ME1: variants seen among roughly 807,000 people sequenced by gnomAD.
The protein encoded by ME1 is malic enzyme 1, also known as NADP-dependent malic enzyme.
In ME1, 74 loss-of-function variants were observed where a neutral mutation model predicts 66.4. That is an observed-to-expected ratio of 1.11 (90% CI 0.92 to 1.35). The LOEUF (loss-of-function observed/expected upper bound fraction) is 1.35. ME1 is among the 40% of genes most tolerant of loss of function. ME1 has a pLI of 0.00. For missense variants in ME1, 750 were observed against 694.1 expected (o/e 1.08, Z -0.90); for synonymous variants, 251 against 235.6 (o/e 1.07, Z -0.60).
intron 11 of ME1, among the ~76,000 whole-genome samples, chr6:83,225,293 GTGA>G (rs1283431828): frequency 4.0e-5 from 6 of 148,584 alleles, no homozygotes; most frequent in Non-Finnish European, 8.9e-5. Context: ...ACATTTGTCT[GTGA>G]TGGTGAGAGT....
At chr6:83,329,409 G>A (rs1344594924) in intron 5 of ME1, among the ~76,000 whole-genome samples, 2 of 152,118 alleles carry the variant, frequency 1.3e-5, no homozygotes, top group Non-Finnish European at 2.9e-5. Flanking sequence ...ACAAACATCT[G>A]TACTGGTACT....
intron 1 of ME1, 50 bp downstream of exon 1, chr6:83,430,827 A>G: frequency 6.8e-7 from 1 of 1,480,860 alleles, no homozygotes; most frequent in Middle Eastern, 1.7e-4. Context: ...GAGGGCCCTG[A>G]CCCTGATAGA....
At chr6:83,320,238 T>G (rs1285727014) in intron 5 of ME1, among the ~76,000 whole-genome samples, 1 of 152,168 alleles carries the variant, frequency 6.6e-6, no homozygotes, top group East Asian at 1.9e-4. Context: ...GAGAGGGTGA[T>G]GTTAAGAAGG....
intron 6 of ME1, among the ~76,000 whole-genome samples, chr6:83,293,361 C>A (rs1021601360): frequency 6.6e-6 from 1 of 152,104 alleles, no homozygotes; most frequent in Non-Finnish European, 1.5e-5. Context: ...ATCTCTAGAA[C>A]TTTTTCATCT....
chr6:83,328,155 C>A (rs997579177), intron 5 of ME1, among the ~76,000 whole-genome samples: 1 of 152,096 alleles, frequency 6.6e-6, no homozygotes, highest in Non-Finnish European at 1.5e-5. Context: ...AATGAGTTCA[C>A]GTCCTTTGCA....
chr6:83,292,927 C>T (rs71568871), intron 6 of ME1, among the ~76,000 whole-genome samples: 10,802 of 152,146 alleles, frequency 0.071, 474 homozygotes, highest in Admixed American at 0.098. Flanking sequence ...AGCAAGGCTC[C>T]GTGGGCATGG....
chr6:83,263,296 T>G (rs1376439230), intron 6 of ME1, among the ~76,000 whole-genome samples: 2 of 152,120 alleles, frequency 1.3e-5, no homozygotes, highest in East Asian at 1.9e-4. Context: ...TTAGGCCAAT[T>G]AACAACCCCA....
intron 6 of ME1, among the ~76,000 whole-genome samples, chr6:83,261,881 G>A (rs1766898311): frequency 6.6e-6 from 1 of 151,866 alleles, no homozygotes. Flanking sequence ...AGGCGTGGTG[G>A]CAGGCGCTTG....
intron 3 of ME1, among the ~76,000 whole-genome samples, chr6:83,396,189 C>T (rs1381335030): frequency 6.6e-6 from 1 of 151,958 alleles, no homozygotes; most frequent in East Asian, 1.9e-4. Context: ...TGTGGTGAAA[C>T]CCCATCTCTA....
Position 83,376,638 on chromosome 6 carries a change from CA to C in ME1, c.362+21728del, listed in dbSNP as rs1347994901. ...CAACGTGGCGAAACTCCATCTCTGT[CA>C]AAAAAAAAAAAAAATTAGCTGGGTG... On this transcript the variant is annotated intron_variant, in intron 3 of 13. Coordinates refer to ENST00000369705, the MANE Select transcript of ME1 (RefSeq NM_002395.6). Among the ~76,000 whole-genome samples the C allele has an allele frequency of 3.9e-3, 527 of 135,318 alleles. 1 individual carries two copies. The highest frequency in any genetic ancestry group is 0.011 in the Middle Eastern group (3 of 262). The allele number at this position is 135,318 out of a possible 152,430, so 88.8% of individuals were successfully genotyped here.
At chr6:83,422,890 ACATTTGTATC>A (rs749262519) in intron 1 of ME1, among the ~76,000 whole-genome samples, 2 of 152,084 alleles carry the variant, frequency 1.3e-5, no homozygotes, top group African/African-American at 2.4e-5. Context: ...AAAAGGCCTA[ACATTTGTATC>A]ATCAGAGTCC....
chr6:83,242,078 G>C (rs1324144003), intron 7 of ME1, among the ~76,000 whole-genome samples: 1 of 152,120 alleles, frequency 6.6e-6, no homozygotes, highest in Non-Finnish European at 1.5e-5. Flanking sequence ...GGCCAGACTG[G>C]TCTCACACCC....
intron 5 of ME1, among the ~76,000 whole-genome samples, chr6:83,333,045 T>C (rs945753741): frequency 2.6e-5 from 4 of 152,214 alleles, no homozygotes; most frequent in Admixed American, 6.5e-5. Context: ...TGTATCTTTA[T>C]GGCAAGTGAA....
At chr6:83,430,820 G>T in intron 1 of ME1, 57 bp downstream of exon 1, 1 of 1,445,230 alleles carries the variant, frequency 6.9e-7, no homozygotes, top group Non-Finnish European at 9.5e-7. Context: ...CCTGCAAGAG[G>T]GCCCTGACCC....
intron 6 of ME1, among the ~76,000 whole-genome samples, chr6:83,272,801 T>C (rs551268585): frequency 1.3e-5 from 2 of 152,326 alleles, no homozygotes; most frequent in African/African-American, 4.8e-5. Context: ...TACATTTATA[T>C]TGATATTTAT....
intron 5 of ME1, among the ~76,000 whole-genome samples, chr6:83,328,811 C>T (rs1250210594): frequency 6.6e-6 from 1 of 151,936 alleles, no homozygotes; most frequent in Admixed American, 6.6e-5. Flanking sequence ...ACACTAAATG[C>T]ATGTGGTGCC....
intron 3 of ME1, among the ~76,000 whole-genome samples, chr6:83,355,673 T>C (rs1167795619): frequency 6.6e-6 from 1 of 152,164 alleles, no homozygotes; most frequent in Non-Finnish European, 1.5e-5. Context: ...AAATGTTTCA[T>C]AATTAGAAAC....
intron 5 of ME1, among the ~76,000 whole-genome samples, chr6:83,345,116 T>C (rs1274220989): frequency 6.6e-6 from 1 of 152,088 alleles, no homozygotes; most frequent in African/African-American, 2.4e-5. Flanking sequence ...TCCTACCTTC[T>C]AGCCTCCTGA....
At chr6:83,281,826 A>AG (rs1767296795) in intron 6 of ME1, among the ~76,000 whole-genome samples, 1 of 143,628 alleles carries the variant, frequency 7.0e-6, no homozygotes, top group Non-Finnish European at 1.5e-5. Flanking sequence ...AAAAAAAAAA[A>AG]AAAAAAAAAG....
Sources: allele counts gnomAD v4.1 joint callset (sites outside exome capture counted in the v4.1 genomes callset), GRCh38; gene constraint gnomAD v4.1.1; transcripts MANE v1.5; gene names NCBI Gene and HGNC (gene_info 2026-07-23, HGNC 2026-07-21).